The following SEL1L2 variants were observed in gnomAD, a reference collection of about 807,000 sequenced individuals.
SEL1L2 encodes the protein protein sel-1 homolog 2.
SEL1L2 carries 89 observed loss-of-function variants against 98.8 expected under a neutral mutation model. The observed-to-expected ratio is 0.90, with a 90% CI of 0.76 to 1.07. The LOEUF is 1.07. Among genes scored for constraint, SEL1L2 ranks in the 50% least tolerant of loss-of-function variants. The pLI is 0.00. For synonymous variants in SEL1L2, 262 were observed against 278.5 expected, an observed-to-expected ratio of 0.94 and a Z score of 0.59; for missense variants, 788 against 812.0, an observed-to-expected ratio of 0.97 and a Z score of 0.36.
chr20:13,853,832 C>T (rs183541181), intron 18 of SEL1L2, among the ~76,000 whole-genome samples: 3 of 152,120 alleles, frequency 2.0e-5, no homozygotes, highest in African/African-American at 4.8e-5. Context: ...TATACAATAA[C>T]GTATATAACA....
In SEL1L2 at chr20:13,964,038, A is replaced by AT. The variant is rs199820638; in HGVS notation, c.59-7908dup. On this transcript the variant is annotated intron_variant, in intron 1 of 19. Coordinates refer to ENST00000284951, the MANE Select transcript of SEL1L2 (RefSeq NM_025229.2). ...AGGCACGTGCCACCACTCCCAGCTA[A>AT]TTTTTTTTTGTATTTTTCTTACAGA... Among the ~76,000 whole-genome samples, 1,233 of 150,744 alleles carry AT rather than the reference A, an allele frequency of 8.2e-3. 19 individuals carry two copies. Among genetic ancestry groups the AT allele is most frequent in the African/African-American group, 0.027 (1,119 of 41,090 alleles).
intron 18 of SEL1L2, 95 bp downstream of exon 18, chr20:13,859,167 A>G: frequency 8.5e-7 from 1 of 1,170,488 alleles, no homozygotes; most frequent in Non-Finnish European, 1.3e-6. Flanking sequence ...TCCTTCCTCT[A>G]CATTGATGAC....
intron 10 of SEL1L2, among the ~76,000 whole-genome samples, chr20:13,885,102 C>A (rs1165046681): frequency 1.3e-5 from 2 of 152,054 alleles, no homozygotes; most frequent in African/African-American, 2.4e-5. Flanking sequence ...AACATGGATA[C>A]CCCCCTGCCT....
intron 4 of SEL1L2, among the ~76,000 whole-genome samples, chr20:13,917,770 CTTTA>C (rs1209342473): frequency 1.5e-5 from 1 of 66,706 alleles, no homozygotes; most frequent in East Asian, 3.7e-4. Context: ...CCCATACTTT[CTTTA>C]TTTCTTTCTT....
In SEL1L2 at chr20:13,850,316, T is replaced by A. The variant is rs768038881; in HGVS notation, c.1822A>T (p.Ile608Phe). The change falls in exon 19 of 20, where the codon ATT (isoleucine) becomes TTT (phenylalanine). Residue 608 changes from isoleucine (I) to phenylalanine (F), a missense_variant. Transcript: ENST00000284951. ...YEHGLGITKDIHLARRLYDMA... is the reference protein window; with the variant it reads ...YEHGLGITKDFHLARRLYDMA... ...TCGTACAATCTTCTGGCCAAGTGAA[T>A]GTCCTAGAAGGAGAAGAATAGCCCT... 4 of 1,613,886 alleles carry A rather than the reference T, an allele frequency of 2.5e-6. No individual in the cohort carries two copies. In the South Asian group the frequency reaches 4.4e-5, roughly 18 times the overall value.
chr20:13,953,708 T>G (rs1273539388), intron 2 of SEL1L2, among the ~76,000 whole-genome samples: 1 of 152,218 alleles, frequency 6.6e-6, no homozygotes, highest in African/African-American at 2.4e-5. Context: ...CTCGCTTTGC[T>G]GAAAGTCCCT....
upstream of SEL1L2, among the ~76,000 whole-genome samples, chr20:13,992,898 C>A (rs138737939): frequency 4.0e-3 from 613 of 152,220 alleles, 1 homozygote; most frequent in East Asian, 9.9e-3. Context: ...GTCCTATTAA[C>A]CTCACTCACC....
intron 2 of SEL1L2, among the ~76,000 whole-genome samples, chr20:13,949,490 C>A (rs2148412939): frequency 6.6e-6 from 1 of 152,184 alleles, no homozygotes; most frequent in Middle Eastern, 3.4e-3. Flanking sequence ...CTGTGAAACC[C>A]CATCTCTACT....
intron 10 of SEL1L2, 85 bp from the exon 11 acceptor site, chr20:13,877,673 C>A: frequency 9.6e-7 from 1 of 1,041,600 alleles, no homozygotes. Context: ...ATTCAATATG[C>A]ATTCAAAAAA....
chr20:13,988,779 T>C (rs947295368), intron 1 of SEL1L2, among the ~76,000 whole-genome samples: 2 of 152,132 alleles, frequency 1.3e-5, no homozygotes, highest in Admixed American at 6.6e-5. Flanking sequence ...TTGGCAGGCT[T>C]AGGCGGGTGA....
At chr20:13,894,835 A>G (rs767743432) in intron 5 of SEL1L2, among the ~76,000 whole-genome samples, 4 of 152,218 alleles carry the variant, frequency 2.6e-5, no homozygotes, top group Non-Finnish European at 5.9e-5. Flanking sequence ...TAGTTAGTAG[A>G]TTGAATCAGT....
chr20:13,983,142 T>G (rs1019156720), intron 1 of SEL1L2, among the ~76,000 whole-genome samples: 2 of 151,784 alleles, frequency 1.3e-5, no homozygotes, highest in African/African-American at 4.8e-5. Context: ...CCATATACTT[T>G]GGGATGGACT....
intron 2 of SEL1L2, among the ~76,000 whole-genome samples, chr20:13,934,788 T>A (rs2049373104): frequency 6.6e-6 from 1 of 151,902 alleles, no homozygotes; most frequent in South Asian, 2.1e-4. Flanking sequence ...TTTTTTTATT[T>A]TTTGATTATG....
chr20:13,902,057 C>A (rs2047707841), intron 5 of SEL1L2, among the ~76,000 whole-genome samples: 1 of 152,102 alleles, frequency 6.6e-6, no homozygotes, highest in Non-Finnish European at 1.5e-5. Context: ...CAGCTCATTG[C>A]CACGGAAAAG....
intron 18 of SEL1L2, among the ~76,000 whole-genome samples, chr20:13,858,432 T>C (rs1989510392): frequency 6.6e-6 from 1 of 151,964 alleles, no homozygotes; most frequent in African/African-American, 2.4e-5. Flanking sequence ...ATTGACGAGC[T>C]CCGCAAGCTG....
chr20:13,859,508 T>TTG (rs1989741821), intron 17 of SEL1L2, 74 bp from the exon 18 acceptor site: 1 of 1,326,984 alleles, frequency 7.5e-7, no homozygotes, highest in Non-Finnish European at 1.0e-6. Context: ...TTCAACCTAG[T>TTG]AATCTTGTTT....
chr20:13,957,324 A>C (rs969302542), intron 1 of SEL1L2, among the ~76,000 whole-genome samples: 8 of 151,106 alleles, frequency 5.3e-5, no homozygotes, highest in African/African-American at 1.7e-4. Flanking sequence ...CTGGTCTTGA[A>C]CTCCTGACCT....
chr20:13,927,692 C>G (rs1041247161), intron 3 of SEL1L2, among the ~76,000 whole-genome samples: 3 of 152,096 alleles, frequency 2.0e-5, no homozygotes, highest in Admixed American at 2.0e-4. Context: ...TATAGAACAC[C>G]TATATCTCAA....
Position 13,926,089 on chromosome 20 carries a change from C to T in SEL1L2, c.283+5514G>A, listed in dbSNP as rs555216127. Reference sequence around the variant, plus strand: ...ATCCCAGCGCTTTGGGAGGACAAGGCGGGCGAATCACGAGGTCAGGAGATT... The same window carrying T: ...ATCCCAGCGCTTTGGGAGGACAAGGTGGGCGAATCACGAGGTCAGGAGATT... On this transcript the variant is annotated intron_variant, in intron 3 of 19. Transcript: ENST00000284951. 3.1e-3 allele frequency among the ~76,000 whole-genome samples: 465 copies of T among 152,246 alleles called. 3 individuals carry two copies. The highest frequency in any genetic ancestry group is 0.011 in the African/African-American group (440 of 41,548).
Sources: allele counts gnomAD v4.1 joint callset (sites outside exome capture counted in the v4.1 genomes callset), GRCh38; gene constraint gnomAD v4.1.1; transcripts MANE v1.5; gene names NCBI Gene and HGNC (gene_info 2026-07-23, HGNC 2026-07-21).